The following PREP variants were observed in gnomAD, a reference collection of about 807,000 sequenced individuals.
PREP encodes prolyl endopeptidase.
In PREP, 29 loss-of-function variants were observed where a neutral mutation model predicts 87.6. That is an observed-to-expected ratio of 0.33 (90% confidence interval 0.25 to 0.45). The LOEUF (loss-of-function observed/expected upper bound fraction) is 0.45, where lower values mean the gene tolerates loss of function less well. Ranked by LOEUF, PREP falls within the 20% of genes least tolerant of loss-of-function variation. The pLI is 1.00. For synonymous variants in PREP, 337 were observed against 328.6 expected, an observed-to-expected ratio of 1.03 and a Z score of -0.28; for missense variants, 695 against 886.5, an observed-to-expected ratio of 0.78 and a Z score of 2.74.
Position 105,277,386 on chromosome 6 carries a change from T to C in PREP, c.*758A>G, listed in dbSNP as rs554627392. ...GGAATACTTTGTAAACAAATCAATA[T>C]ACAAATAGGTGAATAATCTGAATTT... On this transcript the variant is annotated 3_prime_UTR_variant, in exon 15 of 15. Transcript: ENST00000652536. Among the ~76,000 whole-genome samples, 1 of 152,298 alleles carries C rather than the reference T, an allele frequency of 6.6e-6. No individual in the cohort carries two copies. The highest frequency in any genetic ancestry group is 2.1e-4 in the South Asian group (1 of 4,826).
intron 10 of PREP, among the ~76,000 whole-genome samples, chr6:105,290,587 C>T (rs144678521): frequency 4.8e-4 from 73 of 151,908 alleles, no homozygotes; most frequent in African/African-American, 1.6e-3. Flanking sequence ...CTCTCAGACC[C>T]TCCATCATTC....
chr6:105,373,603 C>T, intron 4 of PREP, 25 bp from the exon 5 acceptor site: 2 of 1,600,778 alleles, frequency 1.2e-6, no homozygotes, highest in South Asian at 1.1e-5. Context: ...AGAAATCATC[C>T]AGTGACAAAC....
Position 105,281,909 on chromosome 6 carries a change from G to A in PREP, c.1682-7C>T, listed in dbSNP as rs767401579. On this transcript the variant is annotated splice_polypyrimidine_tract_variant and splice_region_variant and intron_variant, in intron 13 of 14. Transcript: ENST00000652536. ...CTCTGATTTGCACAAGCAGCTAAAAGCCCAACGTAGAAAGAAAAGGGAGGC... is the reference window on the plus strand; with the variant it reads ...CTCTGATTTGCACAAGCAGCTAAAAACCCAACGTAGAAAGAAAAGGGAGGC... 5 of 1,612,062 alleles carry A rather than the reference G, an allele frequency of 3.1e-6. 1 individual carries two copies. The South Asian group carries it at 4.4e-5, about 14-fold the overall frequency.
At chr6:105,375,117 C>T (rs557788167) in intron 4 of PREP, among the ~76,000 whole-genome samples, 5 of 152,024 alleles carry the variant, frequency 3.3e-5, no homozygotes, top group Admixed American at 2.0e-4. Context: ...GATACTGGTT[C>T]GATAAAGGAT....
At chr6:105,385,616 T>G (rs1772971485) in intron 2 of PREP, among the ~76,000 whole-genome samples, 1 of 152,108 alleles carries the variant, frequency 6.6e-6, no homozygotes, top group Non-Finnish European at 1.5e-5. Flanking sequence ...CCCAGATAAC[T>G]CTAAGGATGA....
intron 10 of PREP, among the ~76,000 whole-genome samples, chr6:105,290,377 C>T (rs773570921): frequency 2.0e-5 from 3 of 152,160 alleles, no homozygotes; most frequent in Non-Finnish European, 4.4e-5. Flanking sequence ...AATGAGCAAG[C>T]GAGCAAACCG....
chr6:105,307,305 T>C (rs1019092712), intron 10 of PREP, among the ~76,000 whole-genome samples: 1 of 152,146 alleles, frequency 6.6e-6, no homozygotes, highest in African/African-American at 2.4e-5. Flanking sequence ...TCATTATTTG[T>C]TCCTTGTGCT....
chr6:105,386,862 C>A (rs1193894189), intron 2 of PREP, among the ~76,000 whole-genome samples: 4 of 152,142 alleles, frequency 2.6e-5, no homozygotes, highest in Admixed American at 1.3e-4. Flanking sequence ...AGCACTTTCT[C>A]CCCTGAACAT....
intron 2 of PREP, among the ~76,000 whole-genome samples, chr6:105,395,207 G>A (rs994923275): frequency 3.9e-5 from 6 of 152,164 alleles, no homozygotes; most frequent in Non-Finnish European, 7.3e-5. Context: ...CATGGGAGTG[G>A]GGGCTGGCCC....
At chr6:105,282,794 A>T (rs1770111439) in intron 12 of PREP, among the ~76,000 whole-genome samples, 1 of 152,198 alleles carries the variant, frequency 6.6e-6, no homozygotes, top group South Asian at 2.1e-4. Context: ...CATATGGTGG[A>T]TCTGTATTTT....
rs975176465 is a variant in PREP at position 105,372,391 on chromosome 6, G to A, written c.595+978C>T. Reference sequence around the variant, plus strand: ...GCTCCTAATCTCTAACACAGGGATTGTAAAACTTACCTGTAAAGACCAACC... The same window carrying A: ...GCTCCTAATCTCTAACACAGGGATTATAAAACTTACCTGTAAAGACCAACC... On this transcript the variant is annotated intron_variant, in intron 5 of 14. Transcript: ENST00000652536. Among the ~76,000 whole-genome samples, 9 of 152,304 alleles carry A rather than the reference G, an allele frequency of 5.9e-5. No homozygotes were observed. The East Asian group carries it at 1.7e-3, about 29-fold the overall frequency.
intron 8 of PREP, among the ~76,000 whole-genome samples, chr6:105,331,247 G>C (rs767624910): frequency 6.6e-6 from 1 of 152,068 alleles, no homozygotes; most frequent in Non-Finnish European, 1.5e-5. Flanking sequence ...GAACACTGAA[G>C]GTTTCCCCTT....
intron 10 of PREP, among the ~76,000 whole-genome samples, chr6:105,303,815 T>C (rs1374012078): frequency 2.6e-5 from 4 of 152,230 alleles, no homozygotes; most frequent in Non-Finnish European, 1.5e-5. Context: ...GCAAGCTAAT[T>C]ATCAACTAAA....
intron 10 of PREP, among the ~76,000 whole-genome samples, chr6:105,307,147 A>C (rs1399207551): frequency 2.0e-5 from 3 of 152,000 alleles, no homozygotes; most frequent in Admixed American, 6.5e-5. Flanking sequence ...TTTTCTTCAG[A>C]CTCTGGATGC....
intron 2 of PREP, among the ~76,000 whole-genome samples, chr6:105,390,385 C>A (rs1478494298): frequency 1.3e-5 from 2 of 152,178 alleles, no homozygotes; most frequent in African/African-American, 4.8e-5. Flanking sequence ...TTAGAGTTCT[C>A]TTCTCAAGGT....
At chr6:105,345,284 G>A (rs1403497201) in intron 7 of PREP, among the ~76,000 whole-genome samples, 1 of 152,124 alleles carries the variant, frequency 6.6e-6, no homozygotes. Flanking sequence ...TACCTTCTCT[G>A]AGGTTCTTTT....
In PREP at chr6:105,402,891, T is replaced by TGGCCGGGGACA; in HGVS notation, c.-11_-1dup. The TGGCCGGGGACA allele has an allele frequency of 1.3e-6, 2 of 1,527,172 alleles. No individual in the cohort carries two copies. Among genetic ancestry groups the TGGCCGGGGACA allele is most frequent in the East Asian group, 4.9e-5 (2 of 40,994 alleles). 94.6% of individuals were successfully genotyped at this position (1,527,172 alleles called of 1,614,324 possible). A position where few individuals can be genotyped will look rare whatever the true frequency, so the allele number is the denominator to read the frequency against. ...ACGTCGGGGTACTGAAGGGACAGCATGGCCGGGGACAGGCAGGGGGCAGCG... is the reference window on the plus strand; with the variant it reads ...ACGTCGGGGTACTGAAGGGACAGCATGGCCGGGGACAGGCCGGGGACAGGCAGGGGGCAGCG... On this transcript the variant is annotated 5_prime_UTR_variant, in exon 1 of 15. Transcript: ENST00000652536.
intron 10 of PREP, chr6:105,302,837 G>GC: frequency 2.8e-6 from 1 of 360,832 alleles, no homozygotes; most frequent in Non-Finnish European, 5.4e-6. Flanking sequence ...TGCACAGGCC[G>GC]CCCCCGCCGC....
intron 1 of PREP, among the ~76,000 whole-genome samples, chr6:105,400,186 T>C (rs1368879815): frequency 1.3e-5 from 2 of 152,192 alleles, no homozygotes; most frequent in African/African-American, 4.8e-5. Context: ...ATCAAATTCT[T>C]CCACCTGATT....
Sources: gnomAD v4.1 joint callset for allele counts (sites outside exome capture counted in the v4.1 genomes callset) on GRCh38, gnomAD v4.1.1 for gene constraint, MANE v1.5 for transcripts, NCBI Gene and HGNC (gene_info 2026-07-23, HGNC 2026-07-21) for gene names.